The following MACROD2 variants were observed in gnomAD, a reference collection of about 807,000 sequenced individuals.
MACROD2 encodes mono-ADP ribosylhydrolase 2.
A neutral mutation model predicts 70.4 loss-of-function variants in MACROD2; 36 were observed. The ratio of observed to expected loss-of-function variants is 0.51; its 90% confidence interval spans 0.39 to 0.68. The LOEUF (loss-of-function observed/expected upper bound fraction) is 0.68. Ranked by LOEUF, MACROD2 falls within the 30% of genes least tolerant of loss-of-function variation. The probability of loss-of-function intolerance (pLI) is 0.00; values close to 1 mark genes in which losing one functional copy is unlikely to be tolerated. For synonymous variants in MACROD2, 172 were observed against 178.8 expected, an observed-to-expected ratio of 0.96 and a Z score of 0.30; for missense variants, 496 against 538.4, an observed-to-expected ratio of 0.92 and a Z score of 0.78.
intron 5 of MACROD2, among the ~76,000 whole-genome samples, chr20:14,815,170 A>G (rs1295799340): frequency 6.6e-6 from 1 of 152,050 alleles, no homozygotes; most frequent in African/African-American, 2.4e-5. Flanking sequence ...AACATACTTT[A>G]AATAATGTAA....
chr20:15,880,445 G>A (rs565363905), intron 9 of MACROD2, among the ~76,000 whole-genome samples: 24 of 151,864 alleles, frequency 1.6e-4, no homozygotes, highest in South Asian at 6.2e-4. Flanking sequence ...ATGTTGGGGC[G>A]GCGGGGGTGT....
At chr20:15,249,919 C>A (rs1945122294) in intron 6 of MACROD2, among the ~76,000 whole-genome samples, 1 of 152,248 alleles carries the variant, frequency 6.6e-6, no homozygotes, top group East Asian at 1.9e-4. Flanking sequence ...ATTATTTTTC[C>A]CTTTATATGT....
chr20:14,600,327 C>CATATATATAGATATATATAT (rs1982398718), intron 4 of MACROD2, among the ~76,000 whole-genome samples: 1 of 128,750 alleles, frequency 7.8e-6, no homozygotes, highest in African/African-American at 3.2e-5. Context: ...TATGCAGCTA[C>CATATATATAGATATATATAT]ATATATATAT....
intron 3 of MACROD2, among the ~76,000 whole-genome samples, chr20:14,318,854 CT>C (rs767875742): frequency 5.3e-4 from 80 of 152,208 alleles, no homozygotes; most frequent in Admixed American, 1.6e-3. Flanking sequence ...CAATCTTTTT[CT>C]TTTGGGTTCC....
intron 2 of MACROD2, among the ~76,000 whole-genome samples, chr20:14,083,014 TAATA>T (rs2054019400): frequency 6.6e-6 from 1 of 151,616 alleles, no homozygotes; most frequent in Middle Eastern, 3.4e-3. Flanking sequence ...TAAGCAATAG[TAATA>T]AATATGATAT....
At chr20:15,868,457 GA>G (rs780972233) in intron 9 of MACROD2, among the ~76,000 whole-genome samples, 2 of 152,112 alleles carry the variant, frequency 1.3e-5, no homozygotes, top group African/African-American at 4.8e-5. Flanking sequence ...AATAATCTCA[GA>G]AAATATGATC....
chr20:15,955,434 T>A (rs1401937662), intron 12 of MACROD2, among the ~76,000 whole-genome samples: 1 of 152,170 alleles, frequency 6.6e-6, no homozygotes, highest in African/African-American at 2.4e-5. Context: ...TCCAATTCCT[T>A]CTCAGAACAT....
intron 4 of MACROD2, among the ~76,000 whole-genome samples, chr20:14,516,960 G>A (rs1350740936): frequency 6.6e-6 from 1 of 152,234 alleles, no homozygotes; most frequent in Non-Finnish European, 1.5e-5. Flanking sequence ...CTGGTCATTA[G>A]AGAAATGCAA....
chr20:15,985,976 G>T (rs2066476425), intron 13 of MACROD2: 1 of 152,270 alleles, frequency 6.6e-6, no homozygotes, highest in South Asian at 2.1e-4. Flanking sequence ...CGTGACAGGG[G>T]CTGCATGCGC....
chr20:15,940,383 A>G (rs1349754324), intron 12 of MACROD2, among the ~76,000 whole-genome samples: 3 of 152,120 alleles, frequency 2.0e-5, no homozygotes, highest in Non-Finnish European at 4.4e-5. Flanking sequence ...GGCAAGCACC[A>G]CTGCGCCTGG....
chr20:15,545,113 T>C (rs1465512749), intron 8 of MACROD2, among the ~76,000 whole-genome samples: 2 of 152,224 alleles, frequency 1.3e-5, no homozygotes, highest in African/African-American at 4.8e-5. Flanking sequence ...GGGATGGAAG[T>C]AGACAATTCA....
At chr20:14,703,742 T>C (rs1056468479) in intron 5 of MACROD2, among the ~76,000 whole-genome samples, 2 of 152,178 alleles carry the variant, frequency 1.3e-5, no homozygotes, top group Non-Finnish European at 2.9e-5. Context: ...TACTTTTTTT[T>C]TTCAGACGAA....
chr20:15,732,134 C>T (rs1600817815), intron 8 of MACROD2, among the ~76,000 whole-genome samples: 1 of 151,124 alleles, frequency 6.6e-6, no homozygotes, highest in African/African-American at 2.4e-5. Context: ...TCTGTGTTTG[C>T]ACTCACACCA....
chr20:14,264,343 G>A (rs561035500), intron 3 of MACROD2, among the ~76,000 whole-genome samples: 8 of 152,226 alleles, frequency 5.3e-5, no homozygotes, highest in African/African-American at 1.9e-4. Context: ...TTTTGGAAGG[G>A]GAACAGTTCT....
chr20:14,668,028 G>T (rs954712301), intron 4 of MACROD2, among the ~76,000 whole-genome samples: 1 of 151,958 alleles, frequency 6.6e-6, no homozygotes, highest in African/African-American at 2.4e-5. Flanking sequence ...CCCTCCTATA[G>T]TCCTAGCTAC....
chr20:15,465,663 G>C (rs1453112523), intron 7 of MACROD2, among the ~76,000 whole-genome samples: 3 of 152,226 alleles, frequency 2.0e-5, no homozygotes, highest in Non-Finnish European at 2.9e-5. Flanking sequence ...ATGAGAAAAC[G>C]GGGCAACCCT....
chr20:15,591,254 T>TA (rs1176466578), intron 8 of MACROD2, among the ~76,000 whole-genome samples: 3 of 152,174 alleles, frequency 2.0e-5, no homozygotes, highest in African/African-American at 7.2e-5. Flanking sequence ...GGGAAAGTGA[T>TA]AGTGTGAGTC....
At chr20:15,631,080 A>G (rs957082481) in intron 8 of MACROD2, among the ~76,000 whole-genome samples, 2 of 152,206 alleles carry the variant, frequency 1.3e-5, no homozygotes, top group East Asian at 3.8e-4. Context: ...GTAAAACTGT[A>G]CTTTAGGCCA....
rs530089379 is a variant in MACROD2 at position 15,569,253 on chromosome 20, C to A, written c.645+69406C>A. Among the ~76,000 whole-genome samples, 255 of 152,142 alleles carry A rather than the reference C, an allele frequency of 1.7e-3. 1 individual carries two copies. Among genetic ancestry groups the A allele is most frequent in the Non-Finnish European group, 2.5e-3 (168 of 67,992 alleles). On this transcript the variant is annotated intron_variant, in intron 8 of 17. Transcript: ENST00000684519. ...ATCTTTGTTTTCCTGGAAAAATGTT[C>A]ACTTTTATTTCTTAATTATTTTTTA...
Sources: gnomAD v4.1 joint callset for allele counts (sites outside exome capture counted in the v4.1 genomes callset) on GRCh38, gnomAD v4.1.1 for gene constraint, MANE v1.5 for transcripts, NCBI Gene and HGNC (gene_info 2026-07-23, HGNC 2026-07-21) for gene names.